DISC1: variants seen among roughly 807,000 people sequenced by gnomAD.
The protein encoded by DISC1 is disrupted in schizophrenia 1 protein.
In DISC1, 57 loss-of-function variants were observed where a neutral mutation model predicts 84.5. That is an observed-to-expected ratio of 0.67 (90% CI 0.55 to 0.84). The LOEUF (loss-of-function observed/expected upper bound fraction) is 0.84, where lower values mean the gene tolerates loss of function less well. DISC1 is among the 40% of genes least tolerant of loss of function. The pLI, the probability that DISC1 is intolerant of heterozygous loss-of-function variation, is 0.00. For missense variants in DISC1, 1,000 were observed against 1,057.8 expected (o/e 0.95, Z 0.76); for synonymous variants, 411 against 415.2 (o/e 0.99, Z 0.12).
chr1:231,813,539 A>T (rs1302602569), intron 8 of DISC1, among the ~76,000 whole-genome samples: 3 of 152,132 alleles, frequency 2.0e-5, no homozygotes, highest in Non-Finnish European at 4.4e-5. Flanking sequence ...ATTGTTCAGG[A>T]TGGAAATTAC....
chr1:231,803,123 G>C (rs2079407394), intron 8 of DISC1, among the ~76,000 whole-genome samples: 1 of 152,144 alleles, frequency 6.6e-6, no homozygotes, highest in Non-Finnish European at 1.5e-5. Flanking sequence ...AGCTAGGGTG[G>C]CTCAACTGGG....
At chr1:231,768,828 G>A (rs1029009332) in intron 5 of DISC1, among the ~76,000 whole-genome samples, 3 of 152,178 alleles carry the variant, frequency 2.0e-5, no homozygotes, top group African/African-American at 4.8e-5. Flanking sequence ...AAGATGATGT[G>A]GAAGAGGATG....
At chr1:231,901,807 C>T (rs2088201842) in intron 9 of DISC1, among the ~76,000 whole-genome samples, 1 of 152,086 alleles carries the variant, frequency 6.6e-6, no homozygotes, top group African/African-American at 2.4e-5. Flanking sequence ...TTTTGTTTCT[C>T]AGAGTGACTA....
chr1:231,677,595 T>G (rs555592900), intron 1 of DISC1, among the ~76,000 whole-genome samples: 1 of 152,346 alleles, frequency 6.6e-6, no homozygotes, highest in African/African-American at 2.4e-5. Flanking sequence ...GTATGGGGAT[T>G]ATCCCCATTT....
intron 4 of DISC1, among the ~76,000 whole-genome samples, chr1:231,756,700 T>A (rs1002846322): frequency 6.6e-6 from 1 of 152,210 alleles, no homozygotes; most frequent in East Asian, 1.9e-4. Flanking sequence ...TGGTCCTTTC[T>A]CTTCCACCAA....
At chr1:231,721,152 G>C in intron 3 of DISC1, 1 of 1,237,050 alleles carries the variant, frequency 8.1e-7, no homozygotes, top group Non-Finnish European at 1.1e-6. Context: ...TTGCTGGGCT[G>C]ATGAAAGAAA....
chr1:231,641,585 G>C (rs1380022790), intron 1 of DISC1, among the ~76,000 whole-genome samples: 2 of 152,206 alleles, frequency 1.3e-5, no homozygotes, highest in Non-Finnish European at 2.9e-5. Context: ...GACCGGAGAG[G>C]GTTGCCGCTG....
chr1:231,954,055 A>G lies in DISC1; in HGVS notation c.1982-4773A>G, dbSNP rs1194513593. ...ACATTCTCCTACCTTCCGTGTTGAC[A>G]TTCTTCTACCTTCCAACTTCCGTGT... On this transcript the variant is annotated intron_variant, in intron 9 of 12. Coordinates refer to ENST00000439617, the MANE Select transcript of DISC1 (RefSeq NM_018662.3). The surrounding 1 kb of genome is among the most constrained non-coding windows in gnomAD (Gnocchi z 4.8). Among the ~76,000 whole-genome samples, 1 of 152,190 alleles carries G rather than the reference A, an allele frequency of 6.6e-6. No individual in the cohort carries two copies. The highest frequency in any genetic ancestry group is 1.9e-4 in the East Asian group (1 of 5,202).
In DISC1 at chr1:231,818,516, T is replaced by C. The variant is rs1202058750; in HGVS notation, c.1980T>C (p.Tyr660=). 1 of 1,614,080 alleles carries C rather than the reference T, an allele frequency of 6.2e-7. No homozygotes were observed. Among genetic ancestry groups the C allele is most frequent in the Non-Finnish European group, 8.5e-7 (1 of 1,179,968 alleles). The part of the protein sequence containing the change: ...RREVEHQETA[Y]ETSVKENTMK... Reference sequence around the variant, plus strand: ...AAGTGGAGCACCAGGAGACTGCCTATGGTAGGTAGTGCACAACTGTTCCCC... The same window carrying C: ...AAGTGGAGCACCAGGAGACTGCCTACGGTAGGTAGTGCACAACTGTTCCCC... Residue 660 remains tyrosine, a splice_region_variant and synonymous_variant, in exon 9 of 13, where the codon TAT becomes TAC. Transcript: ENST00000439617.
chr1:232,020,044 A>G (rs1438549708), intron 11 of DISC1, among the ~76,000 whole-genome samples: 1 of 152,114 alleles, frequency 6.6e-6, no homozygotes, highest in Non-Finnish European at 1.5e-5. Flanking sequence ...ACTTTGCCCA[A>G]GTTACATGAC....
At chr1:231,878,797 T>C (rs2086073405) in intron 9 of DISC1, among the ~76,000 whole-genome samples, 1 of 152,124 alleles carries the variant, frequency 6.6e-6, no homozygotes, top group South Asian at 2.1e-4. Context: ...CCTCAGCATG[T>C]TCCAAAGGCA....
chr1:231,989,518 A>G (rs1664904359), intron 10 of DISC1, among the ~76,000 whole-genome samples: 1 of 152,246 alleles, frequency 6.6e-6, no homozygotes, highest in Non-Finnish European at 1.5e-5. Flanking sequence ...TCATGTCAAA[A>G]TACAGGTACA....
At chr1:231,932,261 G>A (rs183378720) in intron 9 of DISC1, among the ~76,000 whole-genome samples, 1 of 152,200 alleles carries the variant, frequency 6.6e-6, no homozygotes, top group African/African-American at 2.4e-5. Flanking sequence ...AAGAGGAAAG[G>A]TGCTAGTGGG....
chr1:231,901,488 T>G (rs1318166555), intron 9 of DISC1, among the ~76,000 whole-genome samples: 1 of 152,164 alleles, frequency 6.6e-6, no homozygotes, highest in Non-Finnish European at 1.5e-5. Flanking sequence ...AGCTACCTAA[T>G]TGGGGTATGT....
At chr1:231,975,397 T>C (rs1305515926) in intron 10 of DISC1, among the ~76,000 whole-genome samples, 3 of 152,164 alleles carry the variant, frequency 2.0e-5, no homozygotes, top group Non-Finnish European at 2.9e-5. Context: ...GTACAACCTC[T>C]GTGGAAAACA....
In DISC1 at chr1:231,647,886, C is replaced by T. The variant is rs150099232; in HGVS notation, c.67+20952C>T. Among the ~76,000 whole-genome samples the T allele has an allele frequency of 2.8e-3, 428 of 152,130 alleles. 7 individuals carry two copies. Among genetic ancestry groups the T allele is most frequent in the East Asian group, 9.5e-3 (49 of 5,172 alleles). On this transcript the variant is annotated intron_variant, in intron 1 of 12. Transcript: ENST00000439617. ...GTCTGTTATTGGTGTATAGGAATGCCTGTGATTTTTGCACATTGATTTTGT... is the reference window on the plus strand; with the variant it reads ...GTCTGTTATTGGTGTATAGGAATGCTTGTGATTTTTGCACATTGATTTTGT...
chr1:231,935,981 C>G (rs148400099), intron 9 of DISC1, among the ~76,000 whole-genome samples: 1 of 152,162 alleles, frequency 6.6e-6, no homozygotes, highest in Non-Finnish European at 1.5e-5. Context: ...TTCTTCCCAA[C>G]GTAATTAAAC....
intron 3 of DISC1, among the ~76,000 whole-genome samples, chr1:231,729,772 G>A (rs1047009965): frequency 6.8e-6 from 1 of 146,520 alleles, no homozygotes; most frequent in African/African-American, 2.5e-5. Flanking sequence ...AAGAATTTAA[G>A]CTGTTCCTGC....
chr1:231,946,109 T>C (rs1232736749), intron 9 of DISC1, among the ~76,000 whole-genome samples: 1 of 152,216 alleles, frequency 6.6e-6, no homozygotes, highest in African/African-American at 2.4e-5. Flanking sequence ...TAACTCATTT[T>C]ATGAGGCCAG....
Sources: allele counts gnomAD v4.1 joint callset (sites outside exome capture counted in the v4.1 genomes callset), GRCh38; gene constraint gnomAD v4.1.1; non-coding constraint Gnocchi (gnomAD v3.1); transcripts MANE v1.5; gene names NCBI Gene and HGNC (gene_info 2026-07-23, HGNC 2026-07-21).